MBNL3: variants seen among roughly 807,000 people sequenced by gnomAD.
MBNL3 encodes muscleblind-like protein 3.
In MBNL3, 6 loss-of-function variants were observed where a neutral mutation model predicts 24.5. That is an observed-to-expected ratio of 0.25 (90% CI 0.13 to 0.48). The LOEUF (loss-of-function observed/expected upper bound fraction) is 0.48. Among genes scored for constraint, MBNL3 ranks in the 20% least tolerant of loss-of-function variants. MBNL3 has a pLI of 0.99. For synonymous variants in MBNL3, 100 were observed against 101.7 expected, an observed-to-expected ratio of 0.98 and a Z score of 0.10; for missense variants, 230 against 293.5, an observed-to-expected ratio of 0.78 and a Z score of 1.58.
rs139013558 is a variant in MBNL3, at chrX:132,470,931, G to T, written c.-704+17920C>A. Among the ~76,000 whole-genome samples, 79 of 110,819 alleles carry T rather than the reference G, an allele frequency of 7.1e-4. No individual in the cohort carries two copies. In the East Asian group the frequency reaches 0.017, roughly 24 times the overall value. On this transcript the variant is annotated intron_variant, in intron 1 of 8. Transcript: ENST00000370853. ...CATAATATAACCATGGGGATTATAG[G>T]CATAGACCAATGTTAGAGCATCAAG...
At chrX:132,391,202 G>T in intron 4 of MBNL3, 119 bp from the exon 5 acceptor site, 1 of 489,121 alleles carries the variant, frequency 2.0e-6, no homozygotes, top group Non-Finnish European at 3.4e-6. Context: ...TATATTATGT[G>T]TGAACAAATC....
intron 1 of MBNL3, among the ~76,000 whole-genome samples, chrX:132,453,426 C>T (rs1946209724): frequency 9.0e-6 from 1 of 111,479 alleles, no homozygotes; most frequent in African/African-American, 3.3e-5. Flanking sequence ...TTCACAGGCT[C>T]CGTGAGGACA....
intron 3 of MBNL3, among the ~76,000 whole-genome samples, chrX:132,405,506 G>A (rs1425242455): frequency 8.9e-6 from 1 of 111,746 alleles, no homozygotes; most frequent in Non-Finnish European, 1.9e-5. Context: ...TGGGTGAAAG[G>A]TAATACAGGA....
chrX:132,374,682 CCTAA>C lies in MBNL3; in HGVS notation c.*4980_*4983del, dbSNP rs1933964352. 8.9e-6 allele frequency: 1 copy of C among 111,746 alleles called. No homozygotes were observed. The highest frequency in any genetic ancestry group is 3.2e-5 in the African/African-American group (1 of 30,875). 9.2% of individuals were successfully genotyped at this position (111,746 alleles called of 1,213,427 possible). A position where few individuals can be genotyped will look rare whatever the true frequency, so the allele number is the denominator to read the frequency against. ...AAAGGTGTGTCTCACACATCCGCAC[CCTAA>C]CTGAGACAGTCAATTAACTGCAGCA... is the stretch of plus-strand genomic sequence containing the variant. On this transcript the variant is annotated 3_prime_UTR_variant, in exon 9 of 9. Transcript: ENST00000370853.
intron 1 of MBNL3, among the ~76,000 whole-genome samples, chrX:132,450,953 G>T (rs138872221): frequency 0.013 from 1,459 of 112,249 alleles, 27 homozygotes; most frequent in African/African-American, 0.045. Flanking sequence ...GGAGTTTACT[G>T]GAGGTCCAGT....
intron 1 of MBNL3, among the ~76,000 whole-genome samples, chrX:132,479,959 T>C (rs181336627): frequency 4.6e-4 from 51 of 111,671 alleles, no homozygotes; most frequent in African/African-American, 1.4e-3. Context: ...AACAGATGTT[T>C]GTCTTTTATA....
At chrX:132,461,721 A>G (rs1946639570) in intron 1 of MBNL3, among the ~76,000 whole-genome samples, 1 of 111,929 alleles carries the variant, frequency 8.9e-6, no homozygotes, top group Admixed American at 9.5e-5. Flanking sequence ...CAATGACTGT[A>G]TCTATGTAAA....
intron 1 of MBNL3, among the ~76,000 whole-genome samples, chrX:132,456,354 G>A (rs1258214665): frequency 1.8e-5 from 2 of 112,127 alleles, no homozygotes; most frequent in East Asian, 5.6e-4. Flanking sequence ...AACACAATGA[G>A]GAAGATAAAT....
intron 1 of MBNL3, among the ~76,000 whole-genome samples, chrX:132,446,674 T>C (rs1353079565): frequency 8.9e-6 from 1 of 112,074 alleles, no homozygotes; most frequent in East Asian, 2.8e-4. Flanking sequence ...GATGGATAAA[T>C]TGCAAAAATT....
At chrX:132,421,051 T>C (rs1435282165) in intron 2 of MBNL3, among the ~76,000 whole-genome samples, 1 of 111,624 alleles carries the variant, frequency 9.0e-6, no homozygotes, top group Non-Finnish European at 1.9e-5. Context: ...TCAAGTGCCC[T>C]TAATTCTATT....
At chrX:132,391,181 T>C (rs997339453) in intron 4 of MBNL3, 98 bp from the exon 5 acceptor site, 1 of 577,225 alleles carries the variant, frequency 1.7e-6, no homozygotes. Context: ...AGTAATTATA[T>C]ATACATTGAA....
At chrX:132,485,014 CTTTTTAT>C (rs897039923) in intron 1 of MBNL3, among the ~76,000 whole-genome samples, 1 of 110,620 alleles carries the variant, frequency 9.0e-6, no homozygotes, top group Non-Finnish European at 1.9e-5. Flanking sequence ...AGCAAAGCAT[CTTTTTAT>C]TTTTTATTTT....
chrX:132,398,986 A>C (rs1444593808), intron 3 of MBNL3, among the ~76,000 whole-genome samples: 2 of 111,669 alleles, frequency 1.8e-5, no homozygotes, highest in African/African-American at 6.5e-5. Flanking sequence ...TACATAACGA[A>C]TTCCTAGAGG....
rs1934283702 is a variant in MBNL3 at position 132,377,889 on chromosome X, A to G, written c.*1777T>C. 1 of 109,956 alleles carries G rather than the reference A, an allele frequency of 9.1e-6. No homozygotes were observed. The highest frequency in any genetic ancestry group is 3.9e-4 in the South Asian group (1 of 2,561). 9.1% of individuals were successfully genotyped at this position (109,956 alleles called of 1,213,427 possible). A position where few individuals can be genotyped will look rare whatever the true frequency, so the allele number is the denominator to read the frequency against. On this transcript the variant is annotated 3_prime_UTR_variant, in exon 9 of 9. Coordinates refer to ENST00000370853, the MANE Select transcript of MBNL3 (RefSeq NM_001386889.1). The stretch of plus-strand genomic sequence containing the variant: ...CTATTTACTAGAAAATATTAAATCT[A>G]TTACTTGATGTAAAATGTCATGTGT...
Position 132,439,566 on chromosome X carries a change from T to A in MBNL3, c.46A>T (p.Thr16Ser). 2 of 1,206,244 alleles carry A rather than the reference T, an allele frequency of 1.7e-6. No individual in the cohort carries two copies. Among genetic ancestry groups the A allele is most frequent in the Non-Finnish European group, 2.2e-6 (2 of 893,599 alleles). Residue 16 changes from threonine to serine, a missense_variant, in exon 2 of 9, where the codon ACT (threonine) becomes TCT (serine). Physicochemically the swap from Thr to Ser is moderately conservative, Grantham distance 58 (BLOSUM62 1). Coordinates refer to ENST00000370853, the MANE Select transcript of MBNL3 (RefSeq NM_001386889.1). ...VALIRDTKWL[T>S]LEVCREFQRG... Reference sequence around the variant, plus strand: ...TGAAATTCTCTACAGACTTCTAAAGTCAGCCACTTGGTATCACGAATCAGG... The same window carrying A: ...TGAAATTCTCTACAGACTTCTAAAGACAGCCACTTGGTATCACGAATCAGG...
At chrX:132,401,866 T>C (rs1263362306) in intron 3 of MBNL3, among the ~76,000 whole-genome samples, 4 of 111,310 alleles carry the variant, frequency 3.6e-5, no homozygotes, top group Non-Finnish European at 7.5e-5. Context: ...AAGCATTACA[T>C]CACCTTCGTT....
At chrX:132,445,498 C>CT (rs1409384242) in intron 1 of MBNL3, among the ~76,000 whole-genome samples, 1 of 110,722 alleles carries the variant, frequency 9.0e-6, no homozygotes, top group Non-Finnish European at 1.9e-5. Context: ...TTTTCATTAA[C>CT]TTTTTTTTAA....
intron 1 of MBNL3, among the ~76,000 whole-genome samples, chrX:132,448,347 C>T (rs987387326): frequency 2.7e-5 from 3 of 111,389 alleles, no homozygotes; most frequent in South Asian, 7.6e-4. Context: ...TTCAGGGATT[C>T]GACTTCTTCC....
rs1350097783 is a variant in MBNL3 at position 132,379,101 on chromosome X, T to A, written c.*565A>T. On this transcript the variant is annotated 3_prime_UTR_variant, in exon 9 of 9. Coordinates refer to ENST00000370853, the MANE Select transcript of MBNL3 (RefSeq NM_001386889.1). ...ATGTTCTTAAGCACATATACTTCTGTTCCCCACTAATAACACTTTAGTTGA... is the reference window on the plus strand; with the variant it reads ...ATGTTCTTAAGCACATATACTTCTGATCCCCACTAATAACACTTTAGTTGA... 1 of 112,381 alleles carries A rather than the reference T, an allele frequency of 8.9e-6. No homozygotes were observed. The highest frequency in any genetic ancestry group is 3.7e-4 in the South Asian group (1 of 2,704). 9.3% of individuals were successfully genotyped at this position (112,381 alleles called of 1,213,427 possible). A position where few individuals can be genotyped will look rare whatever the true frequency, so the allele number is the denominator to read the frequency against.
Sources: allele counts gnomAD v4.1 joint callset (sites outside exome capture counted in the v4.1 genomes callset), GRCh38; gene constraint gnomAD v4.1.1; transcripts MANE v1.5; gene names NCBI Gene and HGNC (gene_info 2026-07-23, HGNC 2026-07-21).